STXBP5: variants seen among roughly 807,000 people sequenced by gnomAD.
The protein encoded by STXBP5 is syntaxin-binding protein 5.
STXBP5 carries 50 observed loss-of-function variants against 152.4 expected under a neutral mutation model. The ratio of observed to expected loss-of-function variants is 0.33; its 90% CI spans 0.26 to 0.42. STXBP5 has a LOEUF of 0.42. Among genes scored for constraint, STXBP5 ranks in the 10% least tolerant of loss-of-function variants. STXBP5 has a pLI of 1.00. For synonymous variants in STXBP5, 492 were observed against 494.7 expected (o/e 0.99, Z 0.07); for missense variants, 1,167 against 1,388.6 (o/e 0.84, Z 2.54).
At chr6:147,291,800 A>T (rs1401626404) in intron 9 of STXBP5, among the ~76,000 whole-genome samples, 1 of 152,192 alleles carries the variant, frequency 6.6e-6, no homozygotes, top group African/African-American at 2.4e-5. Flanking sequence ...AACTTCTAAA[A>T]GAAACTCTTT....
intron 4 of STXBP5, among the ~76,000 whole-genome samples, chr6:147,259,635 A>C (rs536770218): frequency 6.6e-6 from 1 of 152,182 alleles, no homozygotes; most frequent in Non-Finnish European, 1.5e-5. Context: ...CCGAGTGCCT[A>C]ATGTTAGTAT....
chr6:147,373,576 G>A (rs749913705), intron 25 of STXBP5, among the ~76,000 whole-genome samples, 155 bp from the exon 26 acceptor site: 4 of 152,114 alleles, frequency 2.6e-5, no homozygotes, highest in African/African-American at 7.2e-5. Context: ...AAATCAGCAC[G>A]TTCTGTATCT....
chr6:147,352,383 C>G (rs1184633554), intron 21 of STXBP5, among the ~76,000 whole-genome samples: 1 of 152,088 alleles, frequency 6.6e-6, no homozygotes, highest in Non-Finnish European at 1.5e-5. Context: ...CTCCTGTAAT[C>G]CCAGCACTTC....
At chr6:147,315,261 T>A (rs1782585789) in intron 14 of STXBP5, among the ~76,000 whole-genome samples, 1 of 152,164 alleles carries the variant, frequency 6.6e-6, no homozygotes, top group South Asian at 2.1e-4. Flanking sequence ...TTATTACTCA[T>A]TTTTTTAAGA....
At chr6:147,223,788 GA>G (rs1370382596) in intron 2 of STXBP5, among the ~76,000 whole-genome samples, 3 of 152,170 alleles carry the variant, frequency 2.0e-5, no homozygotes, top group Non-Finnish European at 4.4e-5. Flanking sequence ...CCAAAATTGA[GA>G]AATACTGGTT....
At chr6:147,333,751 G>T (rs1208598863) in intron 18 of STXBP5, among the ~76,000 whole-genome samples, 1 of 152,116 alleles carries the variant, frequency 6.6e-6, no homozygotes, top group Non-Finnish European at 1.5e-5. Flanking sequence ...TACACATCCT[G>T]TTCATCCATC....
chr6:147,341,297 G>GA (rs1784081376), intron 21 of STXBP5, among the ~76,000 whole-genome samples: 3 of 151,980 alleles, frequency 2.0e-5, no homozygotes, highest in African/African-American at 4.8e-5. Context: ...TGAAACATTG[G>GA]AAAAAAACTC....
intron 9 of STXBP5, among the ~76,000 whole-genome samples, chr6:147,305,177 C>T (rs767713747): frequency 4.6e-5 from 7 of 152,108 alleles, no homozygotes; most frequent in Non-Finnish European, 8.8e-5. Flanking sequence ...CACTTGAATG[C>T]CACTTGACAT....
intron 4 of STXBP5, among the ~76,000 whole-genome samples, chr6:147,249,827 G>T (rs1778998443): frequency 6.6e-6 from 1 of 152,068 alleles, no homozygotes; most frequent in Non-Finnish European, 1.5e-5. Context: ...CACACAGAGG[G>T]CCCTTTTTAA....
intron 2 of STXBP5, among the ~76,000 whole-genome samples, chr6:147,227,056 A>G (rs1352996110): frequency 6.6e-6 from 1 of 152,172 alleles, no homozygotes; most frequent in Non-Finnish European, 1.5e-5. Context: ...TATGGGGAAG[A>G]GAGAGAGACT....
intron 21 of STXBP5, among the ~76,000 whole-genome samples, chr6:147,351,455 C>T (rs1004370540): frequency 6.6e-6 from 1 of 152,010 alleles, no homozygotes; most frequent in Non-Finnish European, 1.5e-5. Flanking sequence ...GTATATTGCA[C>T]CTATGATATG....
At chr6:147,281,380 T>G (rs1265105477) in intron 8 of STXBP5, among the ~76,000 whole-genome samples, 1 of 152,196 alleles carries the variant, frequency 6.6e-6, no homozygotes, top group Non-Finnish European at 1.5e-5. Flanking sequence ...TTTTATACAT[T>G]AAAGTACAAA....
intron 23 of STXBP5, 74 bp downstream of exon 23, chr6:147,359,397 C>A: frequency 6.6e-7 from 1 of 1,520,278 alleles, no homozygotes. Context: ...GTTTTTCATT[C>A]TTGAATTGAT....
intron 7 of STXBP5, among the ~76,000 whole-genome samples, chr6:147,274,895 AAG>A: frequency 6.6e-6 from 1 of 152,274 alleles, no homozygotes; most frequent in East Asian, 1.9e-4. Flanking sequence ...TGTGTAATGT[AAG>A]AGCAGCTGGA....
At chr6:147,249,208 A>G (rs1419861370) in intron 4 of STXBP5, among the ~76,000 whole-genome samples, 1 of 152,160 alleles carries the variant, frequency 6.6e-6, no homozygotes, top group Non-Finnish European at 1.5e-5. Flanking sequence ...ATAAATGGGT[A>G]TTCTTTTAAG....
At chr6:147,300,133 A>G (rs569463871) in intron 9 of STXBP5, among the ~76,000 whole-genome samples, 58 of 152,186 alleles carry the variant, frequency 3.8e-4, no homozygotes, top group Middle Eastern at 6.8e-3. Flanking sequence ...ACTGATAACT[A>G]TAAAACATTG....
intron 25 of STXBP5, among the ~76,000 whole-genome samples, chr6:147,366,781 G>C (rs1785309815): frequency 6.6e-6 from 1 of 152,176 alleles, no homozygotes; most frequent in Non-Finnish European, 1.5e-5. Context: ...GATATCCTTG[G>C]ATGGTCCGTT....
At chr6:147,332,196 C>T (rs151104228) in intron 18 of STXBP5, among the ~76,000 whole-genome samples, 1 of 152,276 alleles carries the variant, frequency 6.6e-6, no homozygotes, top group Non-Finnish European at 1.5e-5. Flanking sequence ...ATTCACTCAA[C>T]CATTCAACAG....
Position 147,386,207 on chromosome 6 carries a change from TA to T in STXBP5, c.*1456del, listed in dbSNP as rs1469772286. 1 of 151,936 alleles carries T rather than the reference TA, an allele frequency of 6.6e-6. No homozygotes were observed. The highest frequency in any genetic ancestry group is 1.5e-5 in the Non-Finnish European group (1 of 67,876). The allele number at this position is 151,936 out of a possible 1,614,324, so 9.4% of individuals were successfully genotyped here. A position where few individuals can be genotyped will look rare whatever the true frequency, so the allele number is the denominator to read the frequency against. On this transcript the variant is annotated 3_prime_UTR_variant, in exon 28 of 28. Transcript: ENST00000321680. ...CCCAGCAAAAGCAAAATGGAAGCAT[TA>T]AAATTAATGTTAATGAAATTTAAAT...
Sources: allele counts gnomAD v4.1 joint callset (sites outside exome capture counted in the v4.1 genomes callset), GRCh38; gene constraint gnomAD v4.1.1; transcripts MANE v1.5; gene names NCBI Gene and HGNC (gene_info 2026-07-23, HGNC 2026-07-21).